Variants in SNTG1 observed in about 807,000 individuals in gnomAD.
The protein encoded by SNTG1 is gamma-1-syntrophin.
Under a neutral mutation model 74.7 loss-of-function variants are expected in SNTG1, and 39 were observed. That is an observed-to-expected ratio of 0.52 (90% CI 0.40 to 0.68). The LOEUF (loss-of-function observed/expected upper bound fraction) is 0.68. Ranked by LOEUF, SNTG1 falls within the 30% of genes least tolerant of loss-of-function variation. The pLI is 0.00. For missense variants in SNTG1, 685 were observed against 609.5 expected, an observed-to-expected ratio of 1.12 and a Z score of -1.30; for synonymous variants, 254 against 217.1, an observed-to-expected ratio of 1.17 and a Z score of -1.49.
At chr8:50,127,462 A>G (rs10095718) in intron 1 of SNTG1, among the ~76,000 whole-genome samples, 16,489 of 152,040 alleles carry the variant, frequency 0.11, 2,933 homozygotes, top group African/African-American at 0.37. Context: ...CTTTTCATCA[A>G]AATGGTTATT....
At chr8:50,420,403 A>T (rs1383372181) in intron 4 of SNTG1, among the ~76,000 whole-genome samples, 1 of 152,164 alleles carries the variant, frequency 6.6e-6, no homozygotes, top group African/African-American at 2.4e-5. Context: ...AAAAATTGTC[A>T]ATCCAAAATT....
chr8:50,315,414 A>G (rs1321168837), intron 2 of SNTG1, among the ~76,000 whole-genome samples: 1 of 150,032 alleles, frequency 6.7e-6, no homozygotes, highest in South Asian at 2.2e-4. Flanking sequence ...TTCCCCACAA[A>G]TTATATAGTG....
intron 13 of SNTG1, among the ~76,000 whole-genome samples, chr8:50,635,643 A>G (rs950359556): frequency 2.0e-5 from 3 of 151,954 alleles, no homozygotes; most frequent in African/African-American, 4.8e-5. Context: ...TGACGAGTCC[A>G]CTCAGCTTGT....
chr8:50,514,662 G>A (rs987286331), intron 9 of SNTG1, among the ~76,000 whole-genome samples: 1 of 152,084 alleles, frequency 6.6e-6, no homozygotes, highest in Non-Finnish European at 1.5e-5. Context: ...AACTATTAGG[G>A]AGAATATTTT....
chr8:50,113,315 C>T (rs2080678730), intron 1 of SNTG1, among the ~76,000 whole-genome samples: 1 of 152,152 alleles, frequency 6.6e-6, no homozygotes, highest in African/African-American at 2.4e-5. Context: ...AGGTCCTTCA[C>T]ATCCCTTGTA....
At chr8:49,937,360 G>A (rs1032147630) in intron 1 of SNTG1, among the ~76,000 whole-genome samples, 1 of 152,176 alleles carries the variant, frequency 6.6e-6, no homozygotes, top group African/African-American at 2.4e-5. Context: ...GGCCTGCGGG[G>A]ACTTTTAGGG....
chr8:50,179,292 C>A (rs2131702108), intron 2 of SNTG1, among the ~76,000 whole-genome samples: 1 of 152,238 alleles, frequency 6.6e-6, no homozygotes, highest in South Asian at 2.1e-4. Context: ...TTATTTGAGT[C>A]TTTCAGGGTC....
chr8:50,730,592 T>C (rs2095510620), intron 17 of SNTG1, among the ~76,000 whole-genome samples: 1 of 152,194 alleles, frequency 6.6e-6, no homozygotes, highest in South Asian at 2.1e-4. Flanking sequence ...GCAGTCAGCA[T>C]ATGTACCATT....
chr8:50,434,224 C>CT (rs1215345865), intron 4 of SNTG1, among the ~76,000 whole-genome samples: 1 of 152,154 alleles, frequency 6.6e-6, no homozygotes, highest in African/African-American at 2.4e-5. Context: ...TGAACTCATC[C>CT]TTTTTTATGG....
intron 1 of SNTG1, among the ~76,000 whole-genome samples, chr8:50,017,706 A>T (rs1370777975): frequency 6.6e-6 from 1 of 152,014 alleles, no homozygotes; most frequent in Non-Finnish European, 1.5e-5. Flanking sequence ...AAAATGGAAG[A>T]TATATGATTA....
intron 2 of SNTG1, among the ~76,000 whole-genome samples, chr8:50,383,101 G>A (rs1021957451): frequency 6.6e-6 from 1 of 152,102 alleles, no homozygotes; most frequent in African/African-American, 2.4e-5. Context: ...AAATAATTGG[G>A]CACCATAACC....
intron 13 of SNTG1, among the ~76,000 whole-genome samples, chr8:50,638,785 G>A (rs2095054638): frequency 6.6e-6 from 1 of 151,998 alleles, no homozygotes; most frequent in Admixed American, 6.6e-5. Flanking sequence ...TTACCTCACT[G>A]AGGATTTCTC....
At chr8:50,351,041 C>T (rs1418514940) in intron 2 of SNTG1, among the ~76,000 whole-genome samples, 1 of 152,178 alleles carries the variant, frequency 6.6e-6, no homozygotes, top group Non-Finnish European at 1.5e-5. Context: ...ACACTCACTG[C>T]GAGGGTCTGC....
rs150462941 is a variant in SNTG1, at chr8:50,078,653, T to A, written c.-102-93908T>A. 3.5e-3 allele frequency among the ~76,000 whole-genome samples: 534 copies of A among 152,286 alleles called. 4 individuals are homozygous for A. Among genetic ancestry groups the A allele is most frequent in the African/African-American group, 0.012 (515 of 41,548 alleles). ...GTGGTTTGCTGCACTTATCAATCTG[T>A]CATCTTGGTTTTAAGCCCTGCGTGC... On this transcript the variant is annotated intron_variant, in intron 1 of 18. Coordinates refer to ENST00000642720, the MANE Select transcript of SNTG1 (RefSeq NM_018967.5).
chr8:50,688,287 T>A lies in SNTG1; in HGVS notation c.1039-16313T>A, dbSNP rs1470976961. 3.3e-5 allele frequency among the ~76,000 whole-genome samples: 5 copies of A among 152,316 alleles called. 1 individual carries two copies. The highest frequency in any genetic ancestry group is 1.3e-4 in the Admixed American group (2 of 15,304). On this transcript the variant is annotated intron_variant, in intron 15 of 18. Transcript: ENST00000642720. The stretch of plus-strand genomic sequence containing the variant: ...TAGATCCCATTTGTCAATTTTGGCT[T>A]TTGTTGCCATTGCTTTTGGTATTTT...
intron 1 of SNTG1, among the ~76,000 whole-genome samples, chr8:49,970,763 C>T (rs1469887046): frequency 2.0e-5 from 3 of 152,110 alleles, no homozygotes; most frequent in African/African-American, 7.2e-5. Context: ...GCTAGAGACT[C>T]CTTTCTCCCA....
intron 2 of SNTG1, among the ~76,000 whole-genome samples, chr8:50,259,949 A>T (rs1201632035): frequency 6.6e-6 from 1 of 152,180 alleles, no homozygotes; most frequent in African/African-American, 2.4e-5. Context: ...AATAGTTCCA[A>T]GGAGTACCTG....
At chr8:50,779,408 A>G (rs971718286) in intron 18 of SNTG1, among the ~76,000 whole-genome samples, 28 of 152,068 alleles carry the variant, frequency 1.8e-4, no homozygotes, top group Non-Finnish European at 3.5e-4. Context: ...CTCCTTGAAG[A>G]GGTCCTTCAA....
chr8:50,715,765 T>C (rs1483227050), intron 17 of SNTG1, among the ~76,000 whole-genome samples: 1 of 152,216 alleles, frequency 6.6e-6, no homozygotes, highest in Non-Finnish European at 1.5e-5. Context: ...GCAATCAACG[T>C]AATCTTAGCT....
Sources: allele counts gnomAD v4.1 joint callset (sites outside exome capture counted in the v4.1 genomes callset), GRCh38; gene constraint gnomAD v4.1.1; transcripts MANE v1.5; gene names NCBI Gene and HGNC (gene_info 2026-07-23, HGNC 2026-07-21).